CACNA2D2: variants seen among roughly 807,000 people sequenced by gnomAD.
CACNA2D2 encodes calcium voltage-gated channel auxiliary subunit alpha2delta 2, also known as voltage-dependent calcium channel subunit alpha-2/delta-2.
A neutral mutation model predicts 166.4 loss-of-function variants in CACNA2D2; 48 were observed. The observed-to-expected ratio is 0.29, with a 90% CI of 0.23 to 0.37. The LOEUF (loss-of-function observed/expected upper bound fraction) is 0.37, where lower values mean the gene tolerates loss of function less well. Among genes scored for constraint, CACNA2D2 ranks in the 10% least tolerant of loss-of-function variants. The pLI is 1.00. For missense variants in CACNA2D2, 1,122 were observed against 1,433.0 expected (o/e 0.78, Z 3.50); for synonymous variants, 561 against 573.7 (o/e 0.98, Z 0.32).
intron 2 of CACNA2D2, among the ~76,000 whole-genome samples, chr3:50,471,047 T>G (rs1710070502): frequency 6.6e-6 from 1 of 152,102 alleles, no homozygotes; most frequent in South Asian, 2.1e-4. Flanking sequence ...AGCGGCATAT[T>G]TCACACCCGC....
chr3:50,448,614 A>G (rs1289408896), intron 2 of CACNA2D2, among the ~76,000 whole-genome samples: 1 of 152,094 alleles, frequency 6.6e-6, no homozygotes, highest in Non-Finnish European at 1.5e-5. Context: ...AAGGCTCGCA[A>G]TGAACAAAGT....
chr3:50,493,094 A>T (rs966017553), intron 1 of CACNA2D2, among the ~76,000 whole-genome samples: 2 of 152,032 alleles, frequency 1.3e-5, no homozygotes, highest in Admixed American at 1.3e-4. Context: ...TGGCATGGTC[A>T]CCCATCCCCT....
intron 2 of CACNA2D2, among the ~76,000 whole-genome samples, chr3:50,436,165 CAG>C (rs1240413804): frequency 2.0e-5 from 1 of 51,198 alleles, no homozygotes; most frequent in Non-Finnish European, 3.7e-5. Flanking sequence ...CCATCCTTGA[CAG>C]ATCATTCTGG....
At chr3:50,470,272 G>A (rs1226183624) in intron 2 of CACNA2D2, among the ~76,000 whole-genome samples, 1 of 152,222 alleles carries the variant, frequency 6.6e-6, no homozygotes, top group Non-Finnish European at 1.5e-5. Context: ...GCCTGACAGG[G>A]AACAAGGGAC....
In CACNA2D2 at chr3:50,503,183, C is replaced by T. The variant is rs1699056516; in HGVS notation, c.206+35G>A. ...CGGGGGCAGAGCGGGGCGCAAGGCT[C>T]GGCCGGGGTCTCGCGGCCGGCCGAG... On this transcript the variant is annotated intron_variant, in intron 1 of 37. Coordinates refer to ENST00000424201, the MANE Select transcript of CACNA2D2 (RefSeq NM_006030.4). The T allele has an allele frequency of 1.0e-5, 12 of 1,159,738 alleles. No homozygotes were observed. The Admixed American group carries it at 2.8e-4, about 27-fold the overall frequency. 71.8% of individuals were successfully genotyped at this position (1,159,738 alleles called of 1,614,324 possible). A position where few individuals can be genotyped will look rare whatever the true frequency, so the allele number is the denominator to read the frequency against.
chr3:50,454,942 C>T (rs1559965409), intron 2 of CACNA2D2, among the ~76,000 whole-genome samples: 1 of 152,134 alleles, frequency 6.6e-6, no homozygotes, highest in South Asian at 2.1e-4. Flanking sequence ...TGGCGCCCCC[C>T]TTGAAGCCAC....
chr3:50,443,799 C>T (rs970744489), intron 2 of CACNA2D2, among the ~76,000 whole-genome samples: 3 of 152,182 alleles, frequency 2.0e-5, no homozygotes, highest in Admixed American at 6.5e-5. Flanking sequence ...CCCCTTTACC[C>T]ACCTCTCAGG....
intron 22 of CACNA2D2, among the ~76,000 whole-genome samples, chr3:50,371,585 T>G (rs1360723576): frequency 6.6e-6 from 1 of 152,170 alleles, no homozygotes; most frequent in Non-Finnish European, 1.5e-5. Context: ...AGGGCTTTAA[T>G]TGTATAGAAG....
intron 2 of CACNA2D2, among the ~76,000 whole-genome samples, chr3:50,443,040 C>G (rs1708676042): frequency 6.6e-6 from 1 of 152,166 alleles, no homozygotes; most frequent in Non-Finnish European, 1.5e-5. Context: ...AGGCAAGAAC[C>G]AGGGGCCCCT....
chr3:50,408,365 G>C (rs1706824343), intron 3 of CACNA2D2, among the ~76,000 whole-genome samples: 1 of 152,232 alleles, frequency 6.6e-6, no homozygotes, highest in Admixed American at 6.5e-5. Context: ...GACGCCTGAG[G>C]CTCCACCTTG....
At position 50,366,592 on chromosome 3, in the gene CACNA2D2, C is replaced by A. The variant is rs140562117; in HGVS notation, c.2623G>T (p.Glu875Ter). The A allele has an allele frequency of 6.2e-7, 1 of 1,614,024 alleles. No individual in the cohort carries two copies. The highest frequency in any genetic ancestry group is 1.1e-5 in the South Asian group (1 of 91,086). ...GGCACACACACCTCATTGTTAACCT[C>A]GCAGTCCATCTCACAGTGGCTGTTG... is the stretch of plus-strand genomic sequence containing the variant. ...GPNSHCEMDC[E>*]VNNEDLLCVL... Residue 875 changes from glutamate to a stop codon, truncating the protein, a stop_gained, in exon 30 of 38, where the codon GAG becomes TAG. Coordinates refer to ENST00000424201, the MANE Select transcript of CACNA2D2 (RefSeq NM_006030.4). LOFTEE classifies it high-confidence loss of function. This position sits in a 1 kb window ranked among gnomAD's most constrained non-coding sequence, Gnocchi z 5.9.
At chr3:50,382,132 A>ATGTG (rs749544082) in intron 6 of CACNA2D2, among the ~76,000 whole-genome samples, 15 of 151,922 alleles carry the variant, frequency 9.9e-5, no homozygotes, top group Non-Finnish European at 2.2e-4. Context: ...GGGCGGCCTG[A>ATGTG]TGTGTGTGTG....
At chr3:50,457,829 AGCTTC>A (rs1709428857) in intron 2 of CACNA2D2, among the ~76,000 whole-genome samples, 1 of 152,162 alleles carries the variant, frequency 6.6e-6, no homozygotes, top group South Asian at 2.1e-4. Context: ...CTACTCCCTC[AGCTTC>A]AGAAGAAGCT....
chr3:50,446,792 G>A (rs1390566872), intron 2 of CACNA2D2, among the ~76,000 whole-genome samples: 1 of 152,264 alleles, frequency 6.6e-6, no homozygotes, highest in African/African-American at 2.4e-5. Flanking sequence ...CCTGTGCCCA[G>A]AGGGATTGCA....
intron 3 of CACNA2D2, among the ~76,000 whole-genome samples, chr3:50,406,037 A>G (rs1191607204): frequency 2.0e-5 from 3 of 151,758 alleles, no homozygotes; most frequent in South Asian, 4.1e-4. Context: ...GACTTCTTGT[A>G]GCCACATCCT....
chr3:50,416,944 A>G lies in CACNA2D2; in HGVS notation c.405+17369T>C, dbSNP rs183410612. ...AGATGCACATGTGCACATGTATCCCATTCACGTGTGTGTGCATGTCCACTG... is the reference window on the plus strand; with the variant it reads ...AGATGCACATGTGCACATGTATCCCGTTCACGTGTGTGTGCATGTCCACTG... On this transcript the variant is annotated intron_variant, in intron 3 of 37. Coordinates refer to ENST00000424201, the MANE Select transcript of CACNA2D2 (RefSeq NM_006030.4). Among the ~76,000 whole-genome samples, 32 of 152,336 alleles carry G rather than the reference A, an allele frequency of 2.1e-4. 1 individual carries two copies. In the South Asian group the frequency reaches 3.7e-3, roughly 18 times the overall value.
intron 22 of CACNA2D2, among the ~76,000 whole-genome samples, chr3:50,373,336 C>T (rs773282918): frequency 4.0e-5 from 6 of 150,322 alleles, no homozygotes; most frequent in Admixed American, 6.6e-5. Context: ...GGGGGGCGCC[C>T]GGTGGGGCCG....
intron 3 of CACNA2D2, among the ~76,000 whole-genome samples, chr3:50,431,078 A>G (rs1553743675): frequency 1.3e-5 from 2 of 152,104 alleles, no homozygotes; most frequent in Non-Finnish European, 1.5e-5. Flanking sequence ...CAAGCCCCCA[A>G]TTAGAATTCC....
At chr3:50,488,644 CT>C (rs1330092935) in intron 1 of CACNA2D2, among the ~76,000 whole-genome samples, 6 of 151,266 alleles carry the variant, frequency 4.0e-5, no homozygotes, top group African/African-American at 7.3e-5. Flanking sequence ...TACCACCCCC[CT>C]AGCAAGAAGT....
Sources: allele counts gnomAD v4.1 joint callset (sites outside exome capture counted in the v4.1 genomes callset), GRCh38; gene constraint gnomAD v4.1.1; non-coding constraint Gnocchi (gnomAD v3.1); transcripts MANE v1.5; gene names NCBI Gene and HGNC (gene_info 2026-07-23, HGNC 2026-07-21).